The following FSTL5 variants were observed in gnomAD, a reference collection of about 807,000 sequenced individuals.
FSTL5 encodes the protein follistatin like 5.
Under a neutral mutation model 89.1 loss-of-function variants are expected in FSTL5, and 62 were observed. That is an observed-to-expected ratio of 0.70 (90% confidence interval 0.57 to 0.86). The LOEUF is 0.86. Ranked by LOEUF, FSTL5 falls within the 40% of genes least tolerant of loss-of-function variation. The pLI, the probability that FSTL5 is intolerant of heterozygous loss-of-function variation, is 0.00. For missense variants in FSTL5, 1,057 were observed against 1,001.6 expected (o/e 1.06, Z -0.75); for synonymous variants, 383 against 346.2 (o/e 1.11, Z -1.18).
chr4:161,951,567 C>T (rs1734896249), intron 3 of FSTL5, among the ~76,000 whole-genome samples: 1 of 152,014 alleles, frequency 6.6e-6, no homozygotes, highest in Non-Finnish European at 1.5e-5. Flanking sequence ...ATCTTAGAAG[C>T]AGAAGTATGT....
intron 6 of FSTL5, among the ~76,000 whole-genome samples, chr4:161,731,765 C>T (rs367567231): frequency 5.9e-5 from 9 of 151,316 alleles, no homozygotes; most frequent in African/African-American, 1.9e-4. Flanking sequence ...TGCTAATTTT[C>T]GTCTGCCCTC....
At chr4:162,143,818 A>T in intron 1 of FSTL5, among the ~76,000 whole-genome samples, 1 of 99,838 alleles carries the variant, frequency 1.0e-5, no homozygotes, top group East Asian at 2.6e-4. Context: ...ACACACACAC[A>T]CATACAAACA....
At chr4:161,640,179 A>T (rs1013091329) in intron 7 of FSTL5, among the ~76,000 whole-genome samples, 1 of 152,176 alleles carries the variant, frequency 6.6e-6, no homozygotes, top group Non-Finnish European at 1.5e-5. Context: ...ATACATTAAA[A>T]AGAAGAAAAT....
intron 2 of FSTL5, among the ~76,000 whole-genome samples, chr4:162,089,101 CCTCT>C (rs138397763): frequency 1.3e-5 from 2 of 150,226 alleles, no homozygotes; most frequent in Non-Finnish European, 3.0e-5. Flanking sequence ...TATCTCTTTC[CCTCT>C]CTCTCTCTCT....
chr4:161,621,331 A>T (rs1002472841), intron 7 of FSTL5, among the ~76,000 whole-genome samples: 5 of 151,914 alleles, frequency 3.3e-5, no homozygotes, highest in African/African-American at 1.2e-4. Context: ...CCAAAGAAGA[A>T]ATCAATTACA....
At chr4:161,540,242 A>C (rs2126541959) in intron 9 of FSTL5, among the ~76,000 whole-genome samples, 1 of 152,284 alleles carries the variant, frequency 6.6e-6, no homozygotes, top group African/African-American at 2.4e-5. Flanking sequence ...CTATTGCATA[A>C]GCGAGTTTAT....
intron 1 of FSTL5, among the ~76,000 whole-genome samples, chr4:162,129,507 A>G (rs76110061): frequency 0.23 from 35,373 of 152,174 alleles, 4,317 homozygotes; most frequent in Non-Finnish European, 0.25. Flanking sequence ...AAAGCACAGT[A>G]ATCAACAAAC....
At chr4:161,903,639 T>A (rs1733435611) in intron 4 of FSTL5, among the ~76,000 whole-genome samples, 1 of 152,040 alleles carries the variant, frequency 6.6e-6, no homozygotes, top group Non-Finnish European at 1.5e-5. Flanking sequence ...CTATGGGAGC[T>A]CCATCAGATT....
At chr4:161,425,940 T>A (rs898490342) in intron 15 of FSTL5, among the ~76,000 whole-genome samples, 10 of 152,144 alleles carry the variant, frequency 6.6e-5, no homozygotes, top group African/African-American at 2.4e-4. Context: ...AGGGATTTTT[T>A]TTTTTTTAAT....
intron 13 of FSTL5, among the ~76,000 whole-genome samples, chr4:161,474,543 TGG>T (rs1734056564): frequency 5.0e-5 from 5 of 100,080 alleles, no homozygotes; most frequent in Non-Finnish European, 8.9e-5. Flanking sequence ...TATTGTGTAG[TGG>T]TTTTTTTTTT....
chr4:161,693,799 C>A (rs188470985), intron 6 of FSTL5, among the ~76,000 whole-genome samples: 4 of 151,660 alleles, frequency 2.6e-5, no homozygotes, highest in African/African-American at 9.7e-5. Flanking sequence ...CCACCACGCC[C>A]GGCTACTTTT....
chr4:162,105,902 C>T (rs894227829), intron 2 of FSTL5, among the ~76,000 whole-genome samples: 3 of 152,098 alleles, frequency 2.0e-5, no homozygotes, highest in African/African-American at 7.2e-5. Flanking sequence ...ATTTTTTCCT[C>T]AGTCAGGAAA....
At chr4:161,546,838 T>A (rs1732024821) in intron 8 of FSTL5, among the ~76,000 whole-genome samples, 1 of 152,012 alleles carries the variant, frequency 6.6e-6, no homozygotes, top group African/African-American at 2.4e-5. Context: ...TCTTTAGTAG[T>A]GTTAAAATAT....
At chr4:161,792,338 C>A (rs1158371415) in intron 4 of FSTL5, among the ~76,000 whole-genome samples, 3 of 152,082 alleles carry the variant, frequency 2.0e-5, no homozygotes, top group Non-Finnish European at 2.9e-5. Context: ...TCTAGGCGCC[C>A]CGCAGCATGA....
At chr4:161,572,381 A>G (rs1450873618) in intron 8 of FSTL5, among the ~76,000 whole-genome samples, 1 of 150,274 alleles carries the variant, frequency 6.7e-6, no homozygotes, top group Non-Finnish European at 1.5e-5. Context: ...AGAAGAATGC[A>G]CTGATTATGA....
At chr4:162,046,316 C>G (rs1738176017) in intron 2 of FSTL5, among the ~76,000 whole-genome samples, 1 of 152,118 alleles carries the variant, frequency 6.6e-6, no homozygotes, top group Non-Finnish European at 1.5e-5. Context: ...TGAGGAGCAG[C>G]TGCATTTGCT....
chr4:162,124,202 A>G (rs554504700), intron 1 of FSTL5, among the ~76,000 whole-genome samples: 2 of 152,354 alleles, frequency 1.3e-5, no homozygotes, highest in East Asian at 3.9e-4. Context: ...CTCTAATTAA[A>G]TTTAGAGATA....
intron 15 of FSTL5, among the ~76,000 whole-genome samples, chr4:161,412,591 C>CAT (rs1560882208): frequency 6.6e-6 from 1 of 151,968 alleles, no homozygotes; most frequent in African/African-American, 2.4e-5. Context: ...ATGGCACATG[C>CAT]ATATATATGT....
chr4:161,427,927 G>A (rs928153879), intron 15 of FSTL5, among the ~76,000 whole-genome samples: 5 of 152,106 alleles, frequency 3.3e-5, no homozygotes, highest in Admixed American at 6.5e-5. Flanking sequence ...AAAATCAGAT[G>A]AGTAATCATT....
Sources: allele counts gnomAD v4.1 joint callset (sites outside exome capture counted in the v4.1 genomes callset), GRCh38; gene constraint gnomAD v4.1.1; transcripts MANE v1.5; gene names NCBI Gene and HGNC (gene_info 2026-07-23, HGNC 2026-07-21).